Variants in RNF213 observed in about 807,000 individuals in gnomAD.
RNF213 encodes the protein ring finger protein 213.
Under a neutral mutation model 514.4 loss-of-function variants are expected in RNF213, and 341 were observed. The observed-to-expected ratio is 0.66, with a 90% CI of 0.61 to 0.73. The LOEUF (loss-of-function observed/expected upper bound fraction) is 0.73, where lower values mean the gene tolerates loss of function less well. RNF213 is among the 30% of genes least tolerant of loss of function. The pLI, the probability that RNF213 is intolerant of heterozygous loss-of-function variation, is 0.00. For missense variants in RNF213, 5,767 were observed against 6,615.6 expected (o/e 0.87, Z 4.45); for synonymous variants, 2,655 against 2,658.2 (o/e 1.00, Z 0.04).
intron 20 of RNF213, among the ~76,000 whole-genome samples, chr17:80,331,685 G>C (rs567765494): frequency 6.6e-6 from 1 of 152,208 alleles, no homozygotes; most frequent in African/African-American, 2.4e-5. Flanking sequence ...GAGCCACTGC[G>C]CCCAACTAGT....
chr17:80,302,212 G>C (rs1325499153), intron 11 of RNF213, among the ~76,000 whole-genome samples: 3 of 152,202 alleles, frequency 2.0e-5, no homozygotes, highest in Admixed American at 2.0e-4. Flanking sequence ...TAGGGTCCTA[G>C]AGCAGTATGG....
chr17:80,344,986 C>T lies in RNF213; in HGVS notation c.6651C>T (p.Asn2217=). The T allele has an allele frequency of 1.2e-6, 2 of 1,614,186 alleles. No individual in the cohort carries two copies. The highest frequency in any genetic ancestry group is 1.3e-5 in the African/African-American group (1 of 75,052). ...ACCCATCCTGGTCAGAGCTTCGGAA[C>T]TTTGCTCGGTTCCTGAATTATCAGC... is the stretch of plus-strand genomic sequence containing the variant. ...VINPSWSELR[N]FARFLNYQLR... Residue 2217 remains asparagine (N), a synonymous_variant, in exon 29 of 68, where the codon AAC becomes AAT. Coordinates refer to ENST00000582970, the MANE Select transcript of RNF213 (RefSeq NM_001256071.3).
chr17:80,360,327 C>T, intron 38 of RNF213, 121 bp downstream of exon 38: 1 of 1,192,968 alleles, frequency 8.4e-7, no homozygotes, highest in Non-Finnish European at 1.2e-6. Context: ...TTAGTTTTCA[C>T]ACTTTGTTTG....
At chr17:80,388,904 T>C in intron 64 of RNF213, 1 of 629,282 alleles carries the variant, frequency 1.6e-6, no homozygotes, top group Non-Finnish European at 2.8e-6. Context: ...TTCTTAGGAA[T>C]GATGTTGATG....
At position 80,317,433 on chromosome 17, in the gene RNF213, T is replaced by C. The variant is rs897682565; in HGVS notation, c.2901+156T>C. 6.6e-6 allele frequency among the ~76,000 whole-genome samples: 1 copy of C among 152,158 alleles called. No individual in the cohort carries two copies. Among genetic ancestry groups the C allele is most frequent in the African/African-American group, 2.4e-5 (1 of 41,432 alleles). On this transcript the variant is annotated intron_variant, in intron 16 of 67. Coordinates refer to ENST00000582970, the MANE Select transcript of RNF213 (RefSeq NM_001256071.3). This position sits in a 1 kb window ranked among gnomAD's most constrained non-coding sequence, Gnocchi z 4.1. ...GTTTCTGTTTCTGATCCAGCCCTTA[T>C]AGTCTGTCCCTAGAAGAGCGCTTCG...
At chr17:80,290,382 CGT>C (rs1476471321) in intron 6 of RNF213, among the ~76,000 whole-genome samples, 186 bp from the exon 7 acceptor site, 3 of 148,784 alleles carry the variant, frequency 2.0e-5, no homozygotes, top group African/African-American at 4.9e-5. Flanking sequence ...AGTGCGTGCA[CGT>C]GTGTGCGTGT....
intron 3 of RNF213, among the ~76,000 whole-genome samples, chr17:80,280,506 C>T (rs938063965): frequency 1.1e-4 from 16 of 152,084 alleles, no homozygotes; most frequent in Non-Finnish European, 2.2e-4. Context: ...CAGGCTGGAG[C>T]GCAGTGGCAA....
chr17:80,311,878 G>A (rs1199580545), intron 14 of RNF213, among the ~76,000 whole-genome samples: 1 of 152,192 alleles, frequency 6.6e-6, no homozygotes, highest in East Asian at 1.9e-4. Context: ...TGTAATCCCA[G>A]CACTTTGGAA....
At chr17:80,383,486 T>C (rs1408903085) in intron 58 of RNF213, among the ~76,000 whole-genome samples, 191 bp from the exon 59 acceptor site, 1 of 152,104 alleles carries the variant, frequency 6.6e-6, no homozygotes, top group Non-Finnish European at 1.5e-5. Flanking sequence ...CTCATTCTGT[T>C]TGGGGAGACA....
In RNF213 at chr17:80,380,865, C is replaced by G. The variant is rs752088204; in HGVS notation, c.13675C>G (p.Leu4559Val). 11 of 1,614,186 alleles carry G rather than the reference C, an allele frequency of 6.8e-6. No homozygotes were observed. The highest frequency in any genetic ancestry group is 9.3e-6 in the Non-Finnish European group (11 of 1,180,022). ...AGACAGAACGCAGACCGGCCACGTG[C>G]TGGGCAACCCGCAGCGGAGAGACGT... is the stretch of plus-strand genomic sequence containing the variant. ...KADRTQTGHV[L>V]GNPQRRDVVT... Residue 4559 changes from leucine (L) to valine (V), a missense_variant, in exon 56 of 68, where the codon CTG becomes GTG. This residue lies in a region of RNF213 where 1,245 missense variants were observed against 1,339.0 expected (regional missense o/e 0.93). Transcript: ENST00000582970.
At chr17:80,319,159 C>G (rs775021098) in intron 16 of RNF213, 31 bp from the exon 17 acceptor site, 8 of 1,614,148 alleles carry the variant, frequency 5.0e-6, no homozygotes, top group Non-Finnish European at 6.8e-6. Flanking sequence ...CATCCGAAAG[C>G]TCTGAAACCA....
chr17:80,379,447 A>C (rs1376083053), intron 54 of RNF213, 173 bp from the exon 55 acceptor site: 1 of 680,164 alleles, frequency 1.5e-6, no homozygotes, highest in Non-Finnish European at 2.7e-6. Flanking sequence ...AACATTAGTG[A>C]GTACCTACCC....
At chr17:80,261,039 C>T (rs894077727) in intron 1 of RNF213, 137 bp downstream of exon 1, 6 of 151,938 alleles carry the variant, frequency 3.9e-5, no homozygotes, top group African/African-American at 1.4e-4. Context: ...CCTGCCGGCT[C>T]CAAGTTTCGG....
chr17:80,274,118 C>T (rs145828000), intron 3 of RNF213, among the ~76,000 whole-genome samples: 6 of 152,154 alleles, frequency 3.9e-5, no homozygotes, highest in African/African-American at 1.4e-4. Context: ...GTGTCTTGCG[C>T]TTCTGTAGGC....
intron 11 of RNF213, 114 bp from the exon 12 acceptor site, chr17:80,306,138 T>G: frequency 6.7e-6 from 7 of 1,048,818 alleles, no homozygotes; most frequent in Non-Finnish European, 1.0e-5. Context: ...TCAAGTAGTA[T>G]TTAAATCATT....
chr17:80,354,256 C>T (rs2078646980), intron 35 of RNF213, 90 bp downstream of exon 35: 1 of 1,519,544 alleles, frequency 6.6e-7, no homozygotes, highest in African/African-American at 1.4e-5. Flanking sequence ...GGGGGACACC[C>T]TCTCAGGTTT....
chr17:80,391,318 T>C (rs1216636883), intron 67 of RNF213, among the ~76,000 whole-genome samples: 1 of 152,204 alleles, frequency 6.6e-6, no homozygotes, highest in Non-Finnish European at 1.5e-5. Context: ...CCACCCAAGC[T>C]GGAGTGCAGT....
At chr17:80,319,865 A>T (rs2046080453) in intron 17 of RNF213, 2 of 1,158,384 alleles carry the variant, frequency 1.7e-6, no homozygotes, top group African/African-American at 3.2e-5. Context: ...ACATTTCCTA[A>T]TTGGACACTT....
chr17:80,376,250 T>C lies in RNF213; in HGVS notation c.13186-51T>C, dbSNP rs755612784. On this transcript the variant is annotated intron_variant, in intron 51 of 67. Coordinates refer to ENST00000582970, the MANE Select transcript of RNF213 (RefSeq NM_001256071.3). ...GGTGTCAGTGTATGTCTAAGAGCAATTCACACAATATTCTTTGATACATCT... is the reference window on the plus strand; with the variant it reads ...GGTGTCAGTGTATGTCTAAGAGCAACTCACACAATATTCTTTGATACATCT... 1.2e-5 allele frequency: 19 copies of C among 1,605,300 alleles called. No individual in the cohort carries two copies. In the Admixed American group the frequency reaches 3.2e-4, roughly 27 times the overall value.
Sources: gnomAD v4.1 joint callset for allele counts (sites outside exome capture counted in the v4.1 genomes callset) on GRCh38, gnomAD v4.1.1 for gene constraint, gnomAD v4.1.1 regional missense constraint, Gnocchi (gnomAD v3.1) non-coding constraint, MANE v1.5 for transcripts, NCBI Gene and HGNC (gene_info 2026-07-23, HGNC 2026-07-21) for gene names.